Variants in NFILZ observed in about 807,000 individuals in gnomAD.
NFILZ encodes the protein NFIL3 like basic leucine zipper.
chr19:8,635,815 C>T (rs1470524684), intron 3 of NFILZ, 69 bp downstream of exon 3: 1 of 152,006 alleles, frequency 6.6e-6, no homozygotes. Flanking sequence ...CTGACTTTCT[C>T]TTTCTCTCTT....
chr19:8,649,193 TG>T (rs1431617865), intron 3 of NFILZ, among the ~76,000 whole-genome samples: 1 of 151,752 alleles, frequency 6.6e-6, no homozygotes, highest in East Asian at 1.9e-4. Flanking sequence ...CTTGAACTCC[TG>T]GGTTCAAGCA....
chr19:8,652,932 CTTTCTCTCTT>C (rs1187146979), intron 3 of NFILZ, among the ~76,000 whole-genome samples: 2 of 145,488 alleles, frequency 1.4e-5, no homozygotes, highest in African/African-American at 5.3e-5. Context: ...TTCTCTCTCT[CTTTCTCTCTT>C]TCTCTCTCTT....
intron 3 of NFILZ, among the ~76,000 whole-genome samples, chr19:8,661,015 T>C (rs1600150193): frequency 1.7e-5 from 1 of 57,758 alleles, no homozygotes; most frequent in Non-Finnish European, 3.7e-5. Context: ...CCCTTCCCTT[T>C]CTTTCCTCCC....
intron 3 of NFILZ, among the ~76,000 whole-genome samples, chr19:8,645,370 C>T (rs1037833311): frequency 7.9e-5 from 12 of 150,952 alleles, no homozygotes; most frequent in African/African-American, 2.9e-4. Flanking sequence ...AACTCCTGGC[C>T]ATAAGCTAAT....
At chr19:8,645,828 A>G (rs10409312) in intron 3 of NFILZ, among the ~76,000 whole-genome samples, 1,843 of 152,178 alleles carry the variant, frequency 0.012, 41 homozygotes, top group African/African-American at 0.043. Context: ...GGTCTGGTGG[A>G]TGCCTGGATC....
At chr19:8,635,987 C>T (rs1289384303) in intron 3 of NFILZ, among the ~76,000 whole-genome samples, 2 of 152,158 alleles carry the variant, frequency 1.3e-5, no homozygotes, top group African/African-American at 4.8e-5. Context: ...CAGGTGCGCA[C>T]CACCACACCC....
intron 3 of NFILZ, among the ~76,000 whole-genome samples, chr19:8,657,031 A>G (rs890605433): frequency 2.0e-5 from 3 of 150,052 alleles, no homozygotes; most frequent in Non-Finnish European, 3.0e-5. Flanking sequence ...TTTGGGGTGC[A>G]GTATTCTGGG....
chr19:8,678,440 A>C lies in NFILZ; in HGVS notation c.*805A>C, dbSNP rs142691554. ...TGCATCCATCCATCCTCATCCACTCATCCACCCATCCTCACCTATCCATCC... is the reference window on the plus strand; with the variant it reads ...TGCATCCATCCATCCTCATCCACTCCTCCACCCATCCTCACCTATCCATCC... On this transcript the variant is annotated 3_prime_UTR_variant, in exon 6 of 6. Coordinates refer to ENST00000691075, the MANE Select transcript of NFILZ (RefSeq NM_001378600.1). 5.3e-5 allele frequency among the ~76,000 whole-genome samples: 8 copies of C among 149,994 alleles called. No homozygotes were observed. The highest frequency in any genetic ancestry group is 1.0e-4 in the Non-Finnish European group (7 of 67,408).
At chr19:8,672,414 T>C (rs1180680649) in intron 3 of NFILZ, among the ~76,000 whole-genome samples, 1 of 151,956 alleles carries the variant, frequency 6.6e-6, no homozygotes, top group African/African-American at 2.4e-5. Context: ...CATGCATTTA[T>C]GAGTTAATTC....
chr19:8,631,409 A>T (rs143829215), intron 1 of NFILZ, among the ~76,000 whole-genome samples: 28 of 152,128 alleles, frequency 1.8e-4, no homozygotes, highest in Non-Finnish European at 3.5e-4. Flanking sequence ...GCTTGGGATG[A>T]ACAGGGGGAC....
At chr19:8,661,310 G>T (rs2043031120) in intron 3 of NFILZ, among the ~76,000 whole-genome samples, 1 of 151,358 alleles carries the variant, frequency 6.6e-6, no homozygotes, top group Non-Finnish European at 1.5e-5. Flanking sequence ...CTACAGGCAT[G>T]CACCACCACG....
intron 3 of NFILZ, among the ~76,000 whole-genome samples, chr19:8,672,580 TCATGCATTTATTAATTCAAAAAAATC>T (rs2043093139): frequency 1.5e-5 from 2 of 132,808 alleles, no homozygotes; most frequent in East Asian, 3.2e-4. Context: ...CAAAAAATAT[TCATGCATTTATTAATTCAAAAAAATC>T]CATGCATTTA....
chr19:8,631,764 C>T (rs1382776798), intron 1 of NFILZ, among the ~76,000 whole-genome samples: 18 of 152,036 alleles, frequency 1.2e-4, no homozygotes, highest in African/African-American at 3.9e-4. Context: ...CGTCTACACC[C>T]GCTGACCTCT....
intron 3 of NFILZ, among the ~76,000 whole-genome samples, chr19:8,659,438 A>C (rs532333798): frequency 6.6e-6 from 1 of 151,748 alleles, no homozygotes; most frequent in East Asian, 1.9e-4. Context: ...GAGGAGGAAG[A>C]GCGTTGCAGG....
At chr19:8,649,191 C>A (rs1689817293) in intron 3 of NFILZ, among the ~76,000 whole-genome samples, 1 of 151,638 alleles carries the variant, frequency 6.6e-6, no homozygotes, top group Non-Finnish European at 1.5e-5. Context: ...GTCTTGAACT[C>A]CTGGGTTCAA....
chr19:8,655,800 T>G (rs1408007447), intron 3 of NFILZ, among the ~76,000 whole-genome samples: 1 of 152,128 alleles, frequency 6.6e-6, no homozygotes, highest in East Asian at 1.9e-4. Context: ...TGTCTCTCTC[T>G]GGGTCTTGTT....
chr19:8,651,460 C>G (rs1055548970), intron 3 of NFILZ, among the ~76,000 whole-genome samples: 6 of 152,110 alleles, frequency 3.9e-5, no homozygotes, highest in African/African-American at 1.4e-4. Flanking sequence ...CTGCGCCCGA[C>G]CTTCAATAAG....
chr19:8,642,254 C>T (rs573515776), intron 3 of NFILZ, among the ~76,000 whole-genome samples: 9 of 151,950 alleles, frequency 5.9e-5, no homozygotes, highest in Admixed American at 2.6e-4. Flanking sequence ...ACTCCTGCCA[C>T]CTAGTGGTTC....
At chr19:8,649,245 G>A (rs782755087) in intron 3 of NFILZ, among the ~76,000 whole-genome samples, 2 of 142,166 alleles carry the variant, frequency 1.4e-5, no homozygotes, top group African/African-American at 5.3e-5. Context: ...GGATTACAGG[G>A]GTGAGTCACC....
Sources: gnomAD v4.1 joint callset for allele counts (sites outside exome capture counted in the v4.1 genomes callset) on GRCh38, gnomAD v4.1.1 for gene constraint, MANE v1.5 for transcripts, NCBI Gene and HGNC (gene_info 2026-07-23, HGNC 2026-07-21) for gene names.